TMCC1: variants seen among roughly 807,000 people sequenced by gnomAD.
TMCC1 encodes the protein transmembrane and coiled-coil domains protein 1.
A neutral mutation model predicts 52.4 loss-of-function variants in TMCC1; 15 were observed. The ratio of observed to expected loss-of-function variants is 0.29; its 90% CI spans 0.19 to 0.44. The LOEUF (loss-of-function observed/expected upper bound fraction) is 0.44, where lower values mean the gene tolerates loss of function less well. Among genes scored for constraint, TMCC1 ranks in the 20% least tolerant of loss-of-function variants. The pLI is 1.00. For synonymous variants in TMCC1, 279 were observed against 301.9 expected (o/e 0.92, Z 0.79); for missense variants, 503 against 806.0 (o/e 0.62, Z 4.55).
chr3:129,762,767 G>C (rs2053718652), intron 4 of TMCC1, among the ~76,000 whole-genome samples: 1 of 152,076 alleles, frequency 6.6e-6, no homozygotes, highest in African/African-American at 2.4e-5. Flanking sequence ...GGGTGACAGA[G>C]TAAGGCTATG....
chr3:129,677,422 A>T lies in TMCC1; in HGVS notation c.577-6158T>A, dbSNP rs541255215. Among the ~76,000 whole-genome samples, 15 of 152,352 alleles carry T rather than the reference A, an allele frequency of 9.8e-5. No homozygotes were observed. In the South Asian group the frequency reaches 2.7e-3, roughly 27 times the overall value. On this transcript the variant is annotated intron_variant, in intron 4 of 6. Coordinates refer to ENST00000393238, the MANE Select transcript of TMCC1 (RefSeq NM_001017395.5). Reference sequence around the variant, plus strand: ...AACCAGGAAAAGGAGACGGTAACAAAAAAGGTGCTTTTATTACTGAGAATT... The same window carrying T: ...AACCAGGAAAAGGAGACGGTAACAATAAAGGTGCTTTTATTACTGAGAATT...
intron 4 of TMCC1, among the ~76,000 whole-genome samples, chr3:129,672,057 TG>T (rs2108891076): frequency 6.6e-6 from 1 of 152,334 alleles, no homozygotes; most frequent in East Asian, 1.9e-4. Context: ...AAAAGGTTTT[TG>T]TTAGGCAAGG....
intron 2 of TMCC1, among the ~76,000 whole-genome samples, chr3:129,853,955 T>C (rs1426809253): frequency 3.3e-5 from 5 of 152,204 alleles, no homozygotes; most frequent in African/African-American, 1.2e-4. Context: ...CTTGAATGAA[T>C]GCCTTTCTAT....
At chr3:129,770,374 G>A (rs867307030) in intron 4 of TMCC1, among the ~76,000 whole-genome samples, 62 of 152,168 alleles carry the variant, frequency 4.1e-4, no homozygotes, top group African/African-American at 1.4e-3. Context: ...AAATTAGCTG[G>A]GCATGGTGTT....
At chr3:129,839,210 G>A (rs1056665824) in intron 2 of TMCC1, among the ~76,000 whole-genome samples, 1 of 152,148 alleles carries the variant, frequency 6.6e-6, no homozygotes, top group Non-Finnish European at 1.5e-5. Flanking sequence ...CAGTAACAAT[G>A]TATTGGATAA....
intron 4 of TMCC1, among the ~76,000 whole-genome samples, chr3:129,798,712 AGAC>A (rs965582820): frequency 1.3e-5 from 2 of 152,236 alleles, no homozygotes; most frequent in Non-Finnish European, 2.9e-5. Context: ...TAAATTGCAC[AGAC>A]TTGTTAACTA....
chr3:129,716,000 C>G (rs1457738395), intron 4 of TMCC1, among the ~76,000 whole-genome samples: 1 of 152,130 alleles, frequency 6.6e-6, no homozygotes. Context: ...GCAATTATAA[C>G]CTGCTACCTC....
intron 4 of TMCC1, among the ~76,000 whole-genome samples, chr3:129,724,000 AGAG>A (rs534384793): frequency 6.6e-6 from 1 of 150,642 alleles, no homozygotes; most frequent in Non-Finnish European, 1.5e-5. Context: ...TGCTTGTGAG[AGAG>A]GAGGAGGAGG....
intron 4 of TMCC1, among the ~76,000 whole-genome samples, chr3:129,746,617 C>G (rs1248038388): frequency 3.3e-5 from 5 of 152,014 alleles, no homozygotes; most frequent in Non-Finnish European, 7.4e-5. Flanking sequence ...GGTGTTTTCC[C>G]CTAAAGGTAT....
At chr3:129,731,354 G>A (rs142564523) in intron 4 of TMCC1, among the ~76,000 whole-genome samples, 12 of 152,334 alleles carry the variant, frequency 7.9e-5, no homozygotes, top group South Asian at 2.1e-4. Context: ...AAGGTGGAGA[G>A]ATCACATGAG....
intron 2 of TMCC1, among the ~76,000 whole-genome samples, chr3:129,837,123 A>G (rs1324010442): frequency 6.6e-6 from 1 of 152,164 alleles, no homozygotes; most frequent in African/African-American, 2.4e-5. Flanking sequence ...AGAGCTGAAA[A>G]AAACCTTAGC....
chr3:129,853,012 C>A (rs138658825), intron 2 of TMCC1, among the ~76,000 whole-genome samples: 235 of 152,250 alleles, frequency 1.5e-3, no homozygotes, highest in African/African-American at 5.2e-3. Flanking sequence ...TTTGCCAACA[C>A]ACAAGAAACA....
intron 2 of TMCC1, among the ~76,000 whole-genome samples, chr3:129,857,798 C>G (rs2060209731): frequency 1.3e-5 from 2 of 152,054 alleles, no homozygotes; most frequent in Admixed American, 1.3e-4. Flanking sequence ...CTCCTGATGT[C>G]ATGAGCCGCC....
rs534352709 is a variant in TMCC1 at position 129,888,720 on chromosome 3, G to C, written c.-435+4774C>G. ...ACATAACTCATCACCACTAAGTGTG[G>C]GCTGTACATAGTGACAATTTTCCAG... is the stretch of plus-strand genomic sequence containing the variant. On this transcript the variant is annotated intron_variant, in intron 1 of 6. Coordinates refer to ENST00000393238, the MANE Select transcript of TMCC1 (RefSeq NM_001017395.5). 2.0e-5 allele frequency among the ~76,000 whole-genome samples: 3 copies of C among 152,302 alleles called. No individual in the cohort carries two copies. The South Asian group carries it at 6.2e-4, about 32-fold the overall frequency.
At chr3:129,833,865 TG>T (rs1278394300) in intron 2 of TMCC1, among the ~76,000 whole-genome samples, 2 of 152,348 alleles carry the variant, frequency 1.3e-5, no homozygotes, top group South Asian at 4.1e-4. Context: ...AAATTTTTCC[TG>T]GAAAACTTGC....
At chr3:129,888,497 C>T (rs1462031806) in intron 1 of TMCC1, among the ~76,000 whole-genome samples, 1 of 152,118 alleles carries the variant, frequency 6.6e-6, no homozygotes, top group African/African-American at 2.4e-5. Context: ...TGACTGATTA[C>T]AGGACTGGAG....
chr3:129,797,990 T>TC (rs1371873723), intron 4 of TMCC1, among the ~76,000 whole-genome samples: 1 of 150,982 alleles, frequency 6.6e-6, no homozygotes, highest in Non-Finnish European at 1.5e-5. Flanking sequence ...GTGTGCCTTT[T>TC]TTTTTTTTTT....
At chr3:129,739,231 C>G (rs9875438) in intron 4 of TMCC1, among the ~76,000 whole-genome samples, 149,876 of 152,250 alleles carry the variant, frequency 0.98, 73,820 homozygotes, top group East Asian at 1. Flanking sequence ...GCAGTGGCAC[C>G]ATCTGGGCTC....
intron 4 of TMCC1, among the ~76,000 whole-genome samples, chr3:129,768,697 A>G (rs1295817534): frequency 6.6e-6 from 1 of 152,246 alleles, no homozygotes; most frequent in African/African-American, 2.4e-5. Flanking sequence ...ACTGCTATTT[A>G]TTTAATTCAA....
Sources: allele counts gnomAD v4.1 joint callset (sites outside exome capture counted in the v4.1 genomes callset), GRCh38; gene constraint gnomAD v4.1.1; transcripts MANE v1.5; gene names NCBI Gene and HGNC (gene_info 2026-07-23, HGNC 2026-07-21).